The following LTBP1 variants were observed in gnomAD, a reference collection of about 807,000 sequenced individuals.
LTBP1 encodes the protein latent-transforming growth factor beta-binding protein 1.
Under a neutral mutation model 207.6 loss-of-function variants are expected in LTBP1, and 129 were observed. That is an observed-to-expected ratio of 0.62 (90% CI 0.54 to 0.72). LTBP1 has a LOEUF of 0.72. LTBP1 is among the 30% of genes least tolerant of loss of function. The pLI is 0.00. For missense variants in LTBP1, 2,281 were observed against 2,217.2 expected (o/e 1.03, Z -0.58); for synonymous variants, 963 against 833.7 (o/e 1.16, Z -2.67).
At chr2:33,021,732 A>T (rs1172008868) in intron 3 of LTBP1, among the ~76,000 whole-genome samples, 1 of 152,114 alleles carries the variant, frequency 6.6e-6, no homozygotes, top group Non-Finnish European at 1.5e-5. Flanking sequence ...TTTATCTCCC[A>T]GTTGCCGTGT....
chr2:33,223,702 T>C (rs1026645961), intron 9 of LTBP1, among the ~76,000 whole-genome samples: 7 of 152,176 alleles, frequency 4.6e-5, no homozygotes, highest in Non-Finnish European at 8.8e-5. Flanking sequence ...AACAGGGCAG[T>C]GGAAGTAACA....
In LTBP1 at chr2:33,187,065, C is replaced by G. The variant is rs1018105719; in HGVS notation, c.1411C>G (p.Gln471Glu). 6.2e-7 allele frequency: 1 copy of G among 1,613,900 alleles called. No homozygotes were observed. Among genetic ancestry groups the G allele is most frequent in the Non-Finnish European group, 8.5e-7 (1 of 1,179,912 alleles). The change falls in exon 6 of 34, where the codon CAG (glutamine) becomes GAG (glutamate). Residue 471 changes from glutamine (Q) to glutamate (E), a missense_variant. Around this residue, in one of 3 missense-constraint regions of LTBP1, gnomAD observed 1,671 missense variants for 1,634.8 expected, o/e 1.02. Coordinates refer to ENST00000404816, the MANE Select transcript of LTBP1 (RefSeq NM_206943.4). ...TACCTTGCCTCTGACCGTGACTAGC[C>G]AGCAAGGAGTCAAAGGTAAGCTTTT... ...THTLPLTVTSQQGVKVKFPPN... is the reference protein window; with the variant it reads ...THTLPLTVTSEQGVKVKFPPN...
chr2:33,367,486 A>T (rs547021707), intron 31 of LTBP1, among the ~76,000 whole-genome samples: 82 of 152,234 alleles, frequency 5.4e-4, no homozygotes, highest in African/African-American at 1.8e-3. Flanking sequence ...GTAATTTTTC[A>T]ACCCTTACCC....
Position 33,180,317 on chromosome 2 carries a change from G to T in LTBP1, c.1202-6539G>T, listed in dbSNP as rs529009292. On this transcript the variant is annotated intron_variant, in intron 5 of 33. Transcript: ENST00000404816. ...CTTTCTTGGTCATGTGTAGGACTAG[G>T]CCTTCCTGGTTCCTCTGTTCTAGCT... is the stretch of plus-strand genomic sequence containing the variant. Among the ~76,000 whole-genome samples the T allele has an allele frequency of 2.0e-5, 3 of 152,276 alleles. No homozygotes were observed. In the East Asian group the frequency reaches 5.8e-4, roughly 29 times the overall value.
chr2:32,974,494 C>G (rs914785348), intron 2 of LTBP1, among the ~76,000 whole-genome samples: 5 of 152,078 alleles, frequency 3.3e-5, no homozygotes, highest in Admixed American at 3.3e-4. Context: ...AATCACTTAT[C>G]AGATGGGTAG....
At chr2:33,354,950 G>A (rs567779709) in intron 26 of LTBP1, among the ~76,000 whole-genome samples, 8 of 152,172 alleles carry the variant, frequency 5.3e-5, no homozygotes, top group Non-Finnish European at 7.4e-5. Flanking sequence ...CTATGTTGCC[G>A]AGGCTGGTCT....
At chr2:33,305,463 G>C (rs552221920) in intron 22 of LTBP1, among the ~76,000 whole-genome samples, 2 of 152,170 alleles carry the variant, frequency 1.3e-5, no homozygotes, top group African/African-American at 2.4e-5. Flanking sequence ...TAGAGGCCTC[G>C]CTGGGATGAT....
At chr2:33,163,225 T>G (rs574649250) in intron 5 of LTBP1, among the ~76,000 whole-genome samples, 2 of 152,208 alleles carry the variant, frequency 1.3e-5, no homozygotes, top group Non-Finnish European at 2.9e-5. Context: ...GTGATCCACT[T>G]GCCAAGGCCT....
At chr2:33,029,124 CAG>C (rs2075569250) in intron 3 of LTBP1, among the ~76,000 whole-genome samples, 1 of 152,176 alleles carries the variant, frequency 6.6e-6, no homozygotes, top group South Asian at 2.1e-4. Context: ...CACCAAAACA[CAG>C]AAGAAATATT....
intron 2 of LTBP1, among the ~76,000 whole-genome samples, chr2:32,990,100 G>C (rs1051723174): frequency 1.3e-5 from 2 of 152,176 alleles, no homozygotes; most frequent in Admixed American, 1.3e-4. Context: ...GCAAGACCCA[G>C]TCTTTAAAAA....
At chr2:33,221,281 A>G (rs1216467127) in intron 8 of LTBP1, among the ~76,000 whole-genome samples, 1 of 152,154 alleles carries the variant, frequency 6.6e-6, no homozygotes, top group African/African-American at 2.4e-5. Context: ...CCCTCATTGT[A>G]TAGAATTTCT....
At chr2:32,953,238 G>A (rs1256522524) in intron 2 of LTBP1, among the ~76,000 whole-genome samples, 1 of 152,242 alleles carries the variant, frequency 6.6e-6, no homozygotes, top group African/African-American at 2.4e-5. Flanking sequence ...TCATCCAGGA[G>A]GGTGTGATGT....
rs560866481 is a variant in LTBP1, at chr2:33,244,576, A to G, written c.1999+792A>G. Among the ~76,000 whole-genome samples, 87 of 152,318 alleles carry G rather than the reference A, an allele frequency of 5.7e-4. No homozygotes were observed. In the South Asian group the frequency reaches 6.2e-3, roughly 11 times the overall value. On this transcript the variant is annotated intron_variant, in intron 10 of 33. Coordinates refer to ENST00000404816, the MANE Select transcript of LTBP1 (RefSeq NM_206943.4). ...TTAGGTGTAAAGTTCTCAAATGCAGATTTGAGATTTTTAAGAATGTCTTAT... is the reference window on the plus strand; with the variant it reads ...TTAGGTGTAAAGTTCTCAAATGCAGGTTTGAGATTTTTAAGAATGTCTTAT...
chr2:33,287,822 T>C lies in LTBP1; in HGVS notation c.3113-5338T>C, dbSNP rs906310303. 2.6e-5 allele frequency among the ~76,000 whole-genome samples: 4 copies of C among 152,176 alleles called. No homozygotes were observed. The East Asian group carries it at 7.7e-4, about 29-fold the overall frequency. ...TTCATCAGAATTGACAGAGGGGGTG[T>C]GAGATTCTGAGGATCTACTATACCT... On this transcript the variant is annotated intron_variant, in intron 19 of 33. Coordinates refer to ENST00000404816, the MANE Select transcript of LTBP1 (RefSeq NM_206943.4).
At chr2:33,175,641 A>G (rs975829693) in intron 5 of LTBP1, among the ~76,000 whole-genome samples, 1 of 152,216 alleles carries the variant, frequency 6.6e-6, no homozygotes, top group Non-Finnish European at 1.5e-5. Context: ...GGACCGAGCC[A>G]TCCCATTACT....
At chr2:33,242,073 G>T (rs181860846) in intron 9 of LTBP1, among the ~76,000 whole-genome samples, 32 of 152,246 alleles carry the variant, frequency 2.1e-4, no homozygotes, top group Admixed American at 5.9e-4. Context: ...GTCACGGAAG[G>T]TATCATATTT....
intron 17 of LTBP1, 124 bp from the exon 18 acceptor site, chr2:33,275,677 T>TC: frequency 1.6e-6 from 2 of 1,240,324 alleles, no homozygotes; most frequent in Non-Finnish European, 2.3e-6. Context: ...AGAGCGAAAC[T>TC]CCATCTCAAA....
intron 15 of LTBP1, among the ~76,000 whole-genome samples, chr2:33,273,378 C>T (rs1334758271): frequency 6.6e-6 from 1 of 152,186 alleles, no homozygotes; most frequent in African/African-American, 2.4e-5. Flanking sequence ...TTTCTTACAA[C>T]TTACAACATG....
At chr2:33,291,493 T>C (rs967353500) in intron 19 of LTBP1, 3 of 152,254 alleles carry the variant, frequency 2.0e-5, no homozygotes, top group African/African-American at 7.2e-5. Flanking sequence ...CATTATTTAC[T>C]TTGGCTCCAA....
Sources: gnomAD v4.1 joint callset for allele counts (sites outside exome capture counted in the v4.1 genomes callset) on GRCh38, gnomAD v4.1.1 for gene constraint, gnomAD v4.1.1 regional missense constraint, MANE v1.5 for transcripts, NCBI Gene and HGNC (gene_info 2026-07-23, HGNC 2026-07-21) for gene names.